DCAF8L2: variants seen among roughly 807,000 people sequenced by gnomAD.
DCAF8L2 encodes DDB1 and CUL4 associated factor 8 like 2, also known as DDB1- and CUL4-associated factor 8-like protein 2.
For synonymous variants in DCAF8L2, 200 were observed against 190.9 expected, an observed-to-expected ratio of 1.05 and a Z score of -0.39; for missense variants, 430 against 490.7, an observed-to-expected ratio of 0.88 and a Z score of 1.17.
the DCAF8L2 span, among the ~76,000 whole-genome samples, chrX:27,556,974 G>A: frequency 1.3e-4 from 14 of 111,691 alleles, no homozygotes; most frequent in African/African-American, 4.6e-4. Context: ...ATATTAACTT[G>A]GTGTTATTTT....
chrX:27,676,531 A>G (rs1246582583), intron 2 of DCAF8L2, among the ~76,000 whole-genome samples: 1 of 111,062 alleles, frequency 9.0e-6, no homozygotes, highest in South Asian at 3.9e-4. Context: ...TTTTCTGCCA[A>G]AACAGTGAAT....
At chrX:27,586,247 G>A (rs1041611558), upstream of DCAF8L2, among the ~76,000 whole-genome samples, 3 of 110,816 alleles carry the variant, frequency 2.7e-5, no homozygotes, top group African/African-American at 6.6e-5. Flanking sequence ...TGGGACAAAC[G>A]TGTTTAGATC....
chrX:27,635,786 CGTGTGTGTGTGTGT>C lies in DCAF8L2; in HGVS notation c.-220+3818_-220+3831del, dbSNP rs754830405. 4.1e-3 allele frequency among the ~76,000 whole-genome samples: 372 copies of C among 90,405 alleles called. 3 individuals are homozygous for C. Among genetic ancestry groups the C allele is most frequent in the African/African-American group, 0.015 (339 of 23,286 alleles). The allele number at this position is 90,405 out of a possible 115,157, so 78.5% of individuals were successfully genotyped here. ...AACGTATGAAAGCAATTTCCTTTTA[CGTGTGTGTGTGTGT>C]GTGTGTGTGTGTGTGTGTGTGTGTG... On this transcript the variant is annotated intron_variant, in intron 2 of 4. Coordinates refer to ENST00000451261, the MANE Select transcript of DCAF8L2 (RefSeq NM_001353450.2).
chrX:27,517,682 T>C, the DCAF8L2 span: 3 of 726,059 alleles, frequency 4.1e-6, no homozygotes, highest in South Asian at 2.1e-5. Flanking sequence ...CGAGGTGGGA[T>C]GCATTCCACC....
At chrX:27,533,375 A>G in the DCAF8L2 span, among the ~76,000 whole-genome samples, 2 of 109,766 alleles carry the variant, frequency 1.8e-5, no homozygotes, top group African/African-American at 6.6e-5. Flanking sequence ...ATGCTACTGC[A>G]CTCCAGCATG....
At chrX:27,616,849 G>A (rs1489957930) in intron 1 of DCAF8L2, among the ~76,000 whole-genome samples, 1 of 111,358 alleles carries the variant, frequency 9.0e-6, no homozygotes, top group Non-Finnish European at 1.9e-5. Context: ...AGTAGAGGAA[G>A]AAAATATTGG....
chrX:27,495,025 T>C, the DCAF8L2 span, among the ~76,000 whole-genome samples: 3 of 111,529 alleles, frequency 2.7e-5, no homozygotes, highest in African/African-American at 9.8e-5. Flanking sequence ...TTTATTCTTA[T>C]GGTTTTGGAG....
Position 27,748,115 on chromosome X carries a change from T to A in DCAF8L2, c.1220T>A (p.Val407Glu), listed in dbSNP as rs761465771. 3.3e-6 allele frequency: 4 copies of A among 1,211,907 alleles called. No individual in the cohort carries two copies. The East Asian group carries it at 1.2e-4, about 36-fold the overall frequency. Residue 407 changes from valine to glutamate, a missense_variant, in exon 5 of 5, where the codon GTG becomes GAG. Coordinates refer to ENST00000451261, the MANE Select transcript of DCAF8L2 (RefSeq NM_001353450.2). ...RKIDKKENNG[V>E]LKKFTPHHLV... ...ATTGATAAGAAAGAAAACAATGGCG[T>A]GCTCAAGAAATTCACTCCTCATCAT... is the stretch of plus-strand genomic sequence containing the variant.
At chrX:27,628,647 A>C (rs1241896050) in intron 1 of DCAF8L2, among the ~76,000 whole-genome samples, 2 of 97,656 alleles carry the variant, frequency 2.0e-5, no homozygotes, top group Admixed American at 1.2e-4. Context: ...CCTGTCGCCC[A>C]GGCTGGAGTG....
the DCAF8L2 span, among the ~76,000 whole-genome samples, chrX:27,560,050 G>A: frequency 9.1e-6 from 1 of 110,305 alleles, no homozygotes; most frequent in East Asian, 2.9e-4. Context: ...GGTGGATCAC[G>A]AGGTCAGGAG....
Position 27,748,937 on chromosome X carries a change from A to G in DCAF8L2, c.*146A>G. On this transcript the variant is annotated 3_prime_UTR_variant, in exon 5 of 5. Coordinates refer to ENST00000451261, the MANE Select transcript of DCAF8L2 (RefSeq NM_001353450.2). ...ATATATGCTGAAAACCGTCTCTTCC[A>G]TTCCTTCCTCTCTACTTTCCTTTCT... 1 of 693,797 alleles carries G rather than the reference A, an allele frequency of 1.4e-6. No individual in the cohort carries two copies. Among genetic ancestry groups the G allele is most frequent in the South Asian group, 3.8e-5 (1 of 26,232 alleles). The allele number at this position is 693,797 out of a possible 1,213,427, so 57.2% of individuals were successfully genotyped here.
the DCAF8L2 span, among the ~76,000 whole-genome samples, chrX:27,487,264 C>CTTTTGTTTTGTTTTG: frequency 1.9e-5 from 2 of 105,663 alleles, no homozygotes; most frequent in Admixed American, 1.0e-4. Context: ...TCTGATTTTA[C>CTTTTGTTTTGTTTTG]TTTTGTTTTG....
chrX:27,497,504 C>CTT, the DCAF8L2 span, among the ~76,000 whole-genome samples: 10 of 31,263 alleles, frequency 3.2e-4, no homozygotes, highest in Non-Finnish European at 5.4e-4. Flanking sequence ...ATTATTCTTT[C>CTT]TTTCTTTCCT....
the DCAF8L2 span, among the ~76,000 whole-genome samples, chrX:27,488,562 T>C: frequency 1.6e-4 from 8 of 51,157 alleles, no homozygotes; most frequent in South Asian, 6.6e-4. Flanking sequence ...TGTGTGTGTG[T>C]GCGCTTTCAT....
At chrX:27,585,397 C>T (rs1053389764), upstream of DCAF8L2, among the ~76,000 whole-genome samples, 5 of 112,074 alleles carry the variant, frequency 4.5e-5, no homozygotes, top group East Asian at 1.1e-3. Context: ...TCTATGGGTT[C>T]CCCATTCTTA....
At chrX:27,495,658 G>A in the DCAF8L2 span, among the ~76,000 whole-genome samples, 15 of 111,877 alleles carry the variant, frequency 1.3e-4, no homozygotes, top group African/African-American at 4.5e-4. Context: ...GAATAATGCT[G>A]CTGTGATCTT....
intron 1 of DCAF8L2, among the ~76,000 whole-genome samples, chrX:27,598,748 T>TCTCCTAA (rs1323796911): frequency 2.4e-4 from 27 of 110,501 alleles, no homozygotes; most frequent in African/African-American, 8.6e-4. Context: ...AATTAAAGGT[T>TCTCCTAA]CTCCTTAACT....
At chrX:27,485,762 G>A in the DCAF8L2 span, among the ~76,000 whole-genome samples, 5 of 110,379 alleles carry the variant, frequency 4.5e-5, no homozygotes, top group Admixed American at 3.9e-4. Context: ...CATGTATTAA[G>A]CATTATCTCA....
chrX:27,515,016 T>C, the DCAF8L2 span, among the ~76,000 whole-genome samples: 1 of 111,707 alleles, frequency 9.0e-6, no homozygotes, highest in Admixed American at 9.5e-5. Flanking sequence ...TATTTCAAGA[T>C]AGATAGAAGA....
Sources: allele counts gnomAD v4.1 joint callset (sites outside exome capture counted in the v4.1 genomes callset), GRCh38; gene constraint gnomAD v4.1.1; transcripts MANE v1.5; gene names NCBI Gene and HGNC (gene_info 2026-07-23, HGNC 2026-07-21).